Variants in RAB1B observed in about 807,000 individuals in gnomAD.
The protein encoded by RAB1B is RAB1B, member RAS oncogene family.
RAB1B carries 10 observed loss-of-function variants against 24.8 expected under a neutral mutation model. The observed-to-expected ratio is 0.40, with a 90% confidence interval of 0.25 to 0.68. RAB1B has a LOEUF of 0.68. RAB1B is among the 30% of genes least tolerant of loss of function. RAB1B has a pLI of 0.37. For synonymous variants in RAB1B, 99 were observed against 111.7 expected (o/e 0.89, Z 0.72); for missense variants, 154 against 271.2 (o/e 0.57, Z 3.04).
chr11:66,272,060 T>G, intron 2 of RAB1B, 97 bp from the exon 3 acceptor site: 1 of 1,035,048 alleles, frequency 9.7e-7, no homozygotes, highest in Non-Finnish European at 1.5e-6. Context: ...GGCTTGGTGG[T>G]TCGGAGACCC....
intron 1 of RAB1B, 25 bp downstream of exon 1, chr11:66,268,718 C>G: frequency 1.3e-6 from 2 of 1,559,938 alleles, no homozygotes; most frequent in Non-Finnish European, 1.7e-6. Flanking sequence ...CCCGCGCCGT[C>G]CAGCGCAGCC....
At chr11:66,269,936 G>C (rs1289593549) in intron 1 of RAB1B, 3 of 151,706 alleles carry the variant, frequency 2.0e-5, no homozygotes, top group Admixed American at 2.0e-4. Flanking sequence ...GTGCAGTGGC[G>C]TGACGATGGC....
At chr11:66,275,603 G>A (rs989968774) in intron 4 of RAB1B, among the ~76,000 whole-genome samples, 1 of 152,196 alleles carries the variant, frequency 6.6e-6, no homozygotes, top group African/African-American at 2.4e-5. Flanking sequence ...GGCTGCTGGG[G>A]CTGTTCTGGG....
chr11:66,275,998 T>C, intron 5 of RAB1B, 46 bp from the exon 6 acceptor site: 1 of 1,588,616 alleles, frequency 6.3e-7, no homozygotes, highest in Non-Finnish European at 8.6e-7. Context: ...TCACCTGCTC[T>C]CCCCTCCTCT....
At chr11:66,268,748 T>A in intron 1 of RAB1B, 55 bp downstream of exon 1, 1 of 1,514,446 alleles carries the variant, frequency 6.6e-7, no homozygotes, top group Non-Finnish European at 8.9e-7. Context: ...AATACAGGGC[T>A]GTACGCTTAC....
chr11:66,268,915 G>A (rs1856998858), intron 1 of RAB1B, among the ~76,000 whole-genome samples: 2 of 148,700 alleles, frequency 1.3e-5, no homozygotes, highest in South Asian at 2.1e-4. Flanking sequence ...CCCAGACGTG[G>A]CGACCCCCAG....
intron 4 of RAB1B, 79 bp from the exon 5 acceptor site, chr11:66,275,725 C>T: frequency 6.7e-7 from 1 of 1,484,662 alleles, no homozygotes; most frequent in South Asian, 1.3e-5. Context: ...TACTGTTCCC[C>T]TCAGAGAAGG....
At position 66,275,914 on chromosome 11, in the gene RAB1B, G is replaced by C. The variant is rs765061625; in HGVS notation, c.390G>C (p.Val130=). Residue 130 remains valine, a synonymous_variant, in exon 5 of 6, where the codon GTG becomes GTC. Coordinates refer to ENST00000311481, the MANE Select transcript of RAB1B (RefSeq NM_030981.3). ...GNKSDLTTKK[V]VDNTTAKEFA... is the part of the protein sequence containing the mutation. Reference sequence around the variant, plus strand: ...AGAGCGACCTCACCACCAAGAAGGTGGTGGACAACACCACAGCCAAGGTAG... The same window carrying C: ...AGAGCGACCTCACCACCAAGAAGGTCGTGGACAACACCACAGCCAAGGTAG... The C allele has an allele frequency of 6.2e-7, 1 of 1,611,452 alleles. No homozygotes were observed. The highest frequency in any genetic ancestry group is 8.5e-7 in the Non-Finnish European group (1 of 1,179,260).
At chr11:66,271,652 C>CA in intron 1 of RAB1B, 145 bp from the exon 2 acceptor site, 1 of 606,750 alleles carries the variant, frequency 1.6e-6, no homozygotes, top group Non-Finnish European at 3.0e-6. Flanking sequence ...GCCTGGGTGA[C>CA]AGAGTGAGAC....
chr11:66,275,136 T>A (rs1367762549), intron 4 of RAB1B, among the ~76,000 whole-genome samples: 1 of 152,222 alleles, frequency 6.6e-6, no homozygotes, highest in African/African-American at 2.4e-5. Flanking sequence ...GAGGTCTAAG[T>A]TTGAGCCAGT....
At position 66,276,491 on chromosome 11, in the gene RAB1B, ACTTT is replaced by A. The variant is rs1857148338; in HGVS notation, c.*255_*258del. 6.3e-6 allele frequency: 3 copies of A among 474,270 alleles called. No individual in the cohort carries two copies. The Admixed American group carries it at 1.2e-4, about 19-fold the overall frequency. The allele number at this position is 474,270 out of a possible 1,614,324, so 29.4% of individuals were successfully genotyped here. On this transcript the variant is annotated 3_prime_UTR_variant, in exon 6 of 6. Coordinates refer to ENST00000311481, the MANE Select transcript of RAB1B (RefSeq NM_030981.3). ...CCTGCTGTGCTGTTGCCTCTAGGTG[ACTTT>A]CCAAGATGCCCCCCTACACACCTTT...
In RAB1B at chr11:66,272,414, A is replaced by G; in HGVS notation, c.233A>G (p.Tyr78Cys). ...ERFRTITSSYYRGAHGIIVVY... is the reference protein window; with the variant it reads ...ERFRTITSSYCRGAHGIIVVY... ...TTCCGGACCATCACTTCCAGCTACT[A>G]CCGGGGGGCTCATGGCATCATCGTG... Residue 78 changes from tyrosine (Y) to cysteine (C), a missense_variant, in exon 4 of 6, where the codon TAC becomes TGC. Around this residue, in one of 2 missense-constraint regions of RAB1B, gnomAD observed 77 missense variants for 173.4 expected, o/e 0.44. Transcript: ENST00000311481. The G allele has an allele frequency of 1.2e-6, 2 of 1,606,778 alleles. No homozygotes were observed. Among genetic ancestry groups the G allele is most frequent in the Non-Finnish European group, 1.7e-6 (2 of 1,175,714 alleles).
In RAB1B at chr11:66,272,777, TGGGA is replaced by T. The variant is rs1270155338; in HGVS notation, c.279+319_279+322del. Reference sequence around the variant, plus strand: ...AGACCTTCTGGGCACCTTTGTGTTGTGGGAGTTTAGTCAGGCGGTTGGCTGCTAT... The same window carrying T: ...AGACCTTCTGGGCACCTTTGTGTTGTGTTTAGTCAGGCGGTTGGCTGCTAT... On this transcript the variant is annotated intron_variant, in intron 4 of 5. Coordinates refer to ENST00000311481, the MANE Select transcript of RAB1B (RefSeq NM_030981.3). Among the ~76,000 whole-genome samples the T allele has an allele frequency of 1.1e-4, 16 of 152,142 alleles. No individual in the cohort carries two copies. In the East Asian group the frequency reaches 2.9e-3, roughly 28 times the overall value.
chr11:66,272,722 C>T (rs376774213), intron 4 of RAB1B: 19 of 303,632 alleles, frequency 6.3e-5, no homozygotes, highest in African/African-American at 4.1e-4. Context: ...ACCTTCCCTC[C>T]CCACCAAGCC....
In RAB1B at chr11:66,276,271, C is replaced by T; in HGVS notation, c.*33C>T. ...ACATGGAGTGGGACAGGAGGGGGCA[C>T]CTTCTCCAGATGATGTCCCTGGAGG... On this transcript the variant is annotated 3_prime_UTR_variant, in exon 6 of 6. Coordinates refer to ENST00000311481, the MANE Select transcript of RAB1B (RefSeq NM_030981.3). 2 of 1,526,018 alleles carry T rather than the reference C, an allele frequency of 1.3e-6. No homozygotes were observed. The highest frequency in any genetic ancestry group is 2.4e-5 in the Admixed American group (1 of 41,200). 94.5% of individuals were successfully genotyped at this position (1,526,018 alleles called of 1,614,324 possible).
chr11:66,270,383 T>G, intron 1 of RAB1B: 1 of 152,128 alleles, frequency 6.6e-6, no homozygotes, highest in South Asian at 2.1e-4. Context: ...ATCGAGACCA[T>G]CCTGGCCAAC....
chr11:66,276,042 A>C lies in RAB1B; in HGVS notation c.412-2A>C. ...CTCCTCTTCTCTCCTCTCCCTTGTC[A>C]GGAGTTTGCAGACTCTCTGGGCATC... On this transcript the variant is annotated splice_acceptor_variant, in intron 5 of 5. Coordinates refer to ENST00000311481, the MANE Select transcript of RAB1B (RefSeq NM_030981.3). LOFTEE classifies it high-confidence loss of function. 1 of 1,612,128 alleles carries C rather than the reference A, an allele frequency of 6.2e-7. No homozygotes were observed. Among genetic ancestry groups the C allele is most frequent in the Non-Finnish European group, 8.5e-7 (1 of 1,179,350 alleles).
At chr11:66,271,359 G>A (rs1028832989) in intron 1 of RAB1B, 1 of 157,076 alleles carries the variant, frequency 6.4e-6, no homozygotes, top group Non-Finnish European at 1.4e-5. Flanking sequence ...ATGGTGGCAG[G>A]TGCCTGTAAT....
chr11:66,274,927 G>T (rs929858983), intron 4 of RAB1B, among the ~76,000 whole-genome samples: 2 of 152,030 alleles, frequency 1.3e-5, no homozygotes, highest in Admixed American at 1.3e-4. Context: ...CCACCTGCAG[G>T]CTTAGGTCCA....
Sources: gnomAD v4.1 joint callset for allele counts (sites outside exome capture counted in the v4.1 genomes callset) on GRCh38, gnomAD v4.1.1 for gene constraint, gnomAD v4.1.1 regional missense constraint, MANE v1.5 for transcripts, NCBI Gene and HGNC (gene_info 2026-07-23, HGNC 2026-07-21) for gene names.